The following UTRN variants were observed in gnomAD, a reference collection of about 807,000 sequenced individuals.
The protein encoded by UTRN is dystrophin-related protein 1.
UTRN carries 283 observed loss-of-function variants against 463.9 expected under a neutral mutation model. The observed-to-expected ratio is 0.61, with a 90% CI of 0.55 to 0.67. The LOEUF is 0.67. Among genes scored for constraint, UTRN ranks in the 30% least tolerant of loss-of-function variants. The pLI, the probability that UTRN is intolerant of heterozygous loss-of-function variation, is 0.00. For missense variants in UTRN, 3,922 were observed against 4,084.3 expected (o/e 0.96, Z 1.08); for synonymous variants, 1,442 against 1,431.5 (o/e 1.01, Z -0.17).
At chr6:144,287,173 G>A (rs1267174599) in intron 1 of UTRN, among the ~76,000 whole-genome samples, 1 of 152,224 alleles carries the variant, frequency 6.6e-6, no homozygotes, top group East Asian at 1.9e-4. Flanking sequence ...GAGAGGTGGA[G>A]GAATGCGAAG....
intron 2 of UTRN, among the ~76,000 whole-genome samples, chr6:144,302,218 CAA>C (rs1238384688): frequency 1.3e-5 from 2 of 152,062 alleles, no homozygotes; most frequent in Non-Finnish European, 2.9e-5. Context: ...AAGTGCTTAA[CAA>C]AGACTTGTGG....
chr6:144,637,264 C>A (rs1351088385), intron 51 of UTRN, among the ~76,000 whole-genome samples: 1 of 152,196 alleles, frequency 6.6e-6, no homozygotes, highest in Non-Finnish European at 1.5e-5. Flanking sequence ...GCCACTGCGC[C>A]CAGCCAAGTG....
chr6:144,824,431 C>CACATTGTATATATATACACTGTATATAT (rs149467521), intron 66 of UTRN, among the ~76,000 whole-genome samples: 1 of 112,674 alleles, frequency 8.9e-6, no homozygotes, highest in Non-Finnish European at 1.8e-5. Context: ...CACACACACA[C>CACATTGTATATATATACACTGTATATAT]ATTGTATATA....
At chr6:144,614,741 G>A (rs1199754893) in intron 51 of UTRN, among the ~76,000 whole-genome samples, 4 of 152,130 alleles carry the variant, frequency 2.6e-5, no homozygotes, top group African/African-American at 9.7e-5. Context: ...TTTGCACAGT[G>A]GTGTTAAATA....
At chr6:144,326,427 A>G (rs1190195632) in intron 2 of UTRN, among the ~76,000 whole-genome samples, 2 of 152,072 alleles carry the variant, frequency 1.3e-5, no homozygotes, top group Non-Finnish European at 2.9e-5. Context: ...TTTAGAAATC[A>G]TCTAAATCAT....
chr6:144,602,784 T>C (rs1450412644), intron 51 of UTRN, among the ~76,000 whole-genome samples: 1 of 152,222 alleles, frequency 6.6e-6, no homozygotes, highest in Non-Finnish European at 1.5e-5. Flanking sequence ...GCATTGTTTT[T>C]TCTCATCAAT....
intron 2 of UTRN, among the ~76,000 whole-genome samples, chr6:144,293,507 T>A (rs1047959390): frequency 6.6e-6 from 1 of 152,170 alleles, no homozygotes; most frequent in Non-Finnish European, 1.5e-5. Flanking sequence ...TTTTAACACA[T>A]GCATATCAAT....
At chr6:144,846,738 C>T (rs1000331275) in intron 73 of UTRN, 67 bp from the exon 74 acceptor site, 4 of 1,608,034 alleles carry the variant, frequency 2.5e-6, no homozygotes, top group Non-Finnish European at 3.4e-6. Context: ...CATTTGCATG[C>T]CTGAGAGTTG....
At chr6:144,772,014 C>T (rs1197427944) in intron 59 of UTRN, 46 bp downstream of exon 59, 10 of 279,182 alleles carry the variant, frequency 3.6e-5, no homozygotes, top group South Asian at 5.2e-5. Context: ...AACTGAGAAC[C>T]GGTTTTTTTT....
In UTRN at chr6:144,848,064, T is replaced by A. The variant is rs9390236; in HGVS notation, c.10293+1237T>A. ...AAGGGTATGTGAAGTAGGCTAGGGG[T>A]GTGGTGAGCTGTGGGTGTTCTCTCC... On this transcript the variant is annotated intron_variant, in intron 74 of 74. Transcript: ENST00000367545. Among the ~76,000 whole-genome samples the A allele has an allele frequency of 4.5e-3, 676 of 151,816 alleles. 19 individuals are homozygous for A. In the East Asian group the frequency reaches 0.065, roughly 15 times the overall value.
At chr6:144,389,278 C>T (rs996762394) in intron 2 of UTRN, among the ~76,000 whole-genome samples, 1 of 152,178 alleles carries the variant, frequency 6.6e-6, no homozygotes, top group Non-Finnish European at 1.5e-5. Context: ...TTTATCTCAG[C>T]GAGCAGAGGG....
At chr6:144,723,630 G>A (rs1586221429) in intron 53 of UTRN, among the ~76,000 whole-genome samples, 1 of 152,286 alleles carries the variant, frequency 6.6e-6, no homozygotes, top group East Asian at 1.9e-4. Flanking sequence ...GGTGGGAGCA[G>A]CCATCTTGTT....
intron 69 of UTRN, 93 bp from the exon 70 acceptor site, chr6:144,835,687 C>G (rs912675711): frequency 6.5e-7 from 1 of 1,541,304 alleles, no homozygotes; most frequent in East Asian, 2.3e-5. Context: ...GGCCCAGCCA[C>G]TATCCTGTCC....
intron 58 of UTRN, among the ~76,000 whole-genome samples, chr6:144,760,117 T>G (rs538227077): frequency 3.3e-5 from 5 of 152,170 alleles, no homozygotes; most frequent in African/African-American, 1.2e-4. Flanking sequence ...AATGAATTTC[T>G]ATATGTTTAG....
chr6:144,365,807 G>T (rs932415337), intron 2 of UTRN, among the ~76,000 whole-genome samples: 2 of 152,060 alleles, frequency 1.3e-5, no homozygotes, highest in Non-Finnish European at 2.9e-5. Flanking sequence ...GCGTGATCTC[G>T]GCTCACTGCA....
chr6:144,819,911 C>CCCCCTCCTCCTCCTCT (rs1779435050), intron 65 of UTRN, among the ~76,000 whole-genome samples: 1 of 118,610 alleles, frequency 8.4e-6, no homozygotes, highest in Non-Finnish European at 1.7e-5. Flanking sequence ...TCCTCCTCCT[C>CCCCCTCCTCCTCCTCT]CTCTCTCTCT....
rs532062201 is a variant in UTRN at position 144,361,574 on chromosome 6, TA to T, written c.80-41540del. Among the ~76,000 whole-genome samples the T allele has an allele frequency of 1.6e-3, 240 of 151,308 alleles. 3 individuals carry two copies. In the Middle Eastern group the frequency reaches 0.02, roughly 13 times the overall value. On this transcript the variant is annotated intron_variant, in intron 2 of 74. Coordinates refer to ENST00000367545, the MANE Select transcript of UTRN (RefSeq NM_007124.3). ...ATAAGGAAATAAGTCCCTTGTTCTTTAAAAAAAAATTATTTATTTATTTATC... is the reference window on the plus strand; with the variant it reads ...ATAAGGAAATAAGTCCCTTGTTCTTTAAAAAAAATTATTTATTTATTTATC...
At chr6:144,487,228 G>T (rs1169508970) in intron 28 of UTRN, among the ~76,000 whole-genome samples, 1 of 152,020 alleles carries the variant, frequency 6.6e-6, no homozygotes, top group Non-Finnish European at 1.5e-5. Flanking sequence ...GAGTCCAGTG[G>T]TATGACAGCT....
At chr6:144,519,959 A>G (rs934365308) in intron 39 of UTRN, among the ~76,000 whole-genome samples, 2 of 152,238 alleles carry the variant, frequency 1.3e-5, no homozygotes, top group African/African-American at 2.4e-5. Context: ...AATGGAGCAG[A>G]TTAAAAAACA....
Sources: gnomAD v4.1 joint callset for allele counts (sites outside exome capture counted in the v4.1 genomes callset) on GRCh38, gnomAD v4.1.1 for gene constraint, MANE v1.5 for transcripts, NCBI Gene and HGNC (gene_info 2026-07-23, HGNC 2026-07-21) for gene names.